The following PCDHA9 variants were observed in gnomAD, a reference collection of about 807,000 sequenced individuals.
The protein encoded by PCDHA9 is protocadherin alpha 9, also known as protocadherin alpha-9.
A neutral mutation model predicts 62.0 loss-of-function variants in PCDHA9; 62 were observed. The observed-to-expected ratio is 1.00, with a 90% CI of 0.81 to 1.23. The LOEUF is 1.23. PCDHA9 is among the 50% of genes most tolerant of loss of function. The pLI, the probability that PCDHA9 is intolerant of heterozygous loss-of-function variation, is 0.00. For synonymous variants in PCDHA9, 557 were observed against 567.6 expected, an observed-to-expected ratio of 0.98 and a Z score of 0.27; for missense variants, 1,205 against 1,249.8, an observed-to-expected ratio of 0.96 and a Z score of 0.54.
At chr5:140,924,891 T>C (rs549129193) in intron 1 of PCDHA9, among the ~76,000 whole-genome samples, 1 of 88,410 alleles carries the variant, frequency 1.1e-5, no homozygotes, top group African/African-American at 5.1e-5. Context: ...CAAGAACCTG[T>C]CTCAAAAAAA....
intron 1 of PCDHA9, chr5:140,927,907 G>A (rs1179807732): frequency 4.9e-5 from 79 of 1,614,038 alleles, no homozygotes; most frequent in Non-Finnish European, 6.6e-5. Flanking sequence ...TCATGCCCCC[G>A]AACTGGACTT....
In PCDHA9 at chr5:140,978,987, C is replaced by T; in HGVS notation, c.2433C>T (p.Ser811=). 4 of 1,614,162 alleles carry T rather than the reference C, an allele frequency of 2.5e-6. No homozygotes were observed. In the South Asian group the frequency reaches 3.3e-5, roughly 13 times the overall value. The change falls in exon 2 of 4, where the codon TCC becomes TCT. Residue 811 remains serine (S), a synonymous_variant. Transcript: ENST00000532602. ...QPNPDWRYSA[S]LRAGMHSSVH... ...ACCCTGACTGGCGTTACTCTGCCTC[C>T]CTGAGAGCAGGCATGCACAGGTATG...
chr5:140,945,041 C>T (rs2093729370), intron 1 of PCDHA9, among the ~76,000 whole-genome samples: 1 of 151,978 alleles, frequency 6.6e-6, no homozygotes, highest in African/African-American at 2.4e-5. Flanking sequence ...TATCTTTGGT[C>T]TTATATAAAG....
chr5:140,858,574 T>C (rs1415497561), intron 1 of PCDHA9: 12 of 1,357,674 alleles, frequency 8.8e-6, no homozygotes, highest in Non-Finnish European at 1.0e-5. Context: ...GTGATACCTT[T>C]GTAATATAAT....
intron 1 of PCDHA9, among the ~76,000 whole-genome samples, chr5:140,911,719 G>C (rs1184939092): frequency 6.6e-6 from 1 of 151,412 alleles, no homozygotes; most frequent in African/African-American, 2.5e-5. Context: ...GTGTAACTCT[G>C]TAAACAGTTC....
intron 3 of PCDHA9, among the ~76,000 whole-genome samples, chr5:140,985,454 A>G (rs1378044295): frequency 1.3e-5 from 2 of 152,188 alleles, no homozygotes; most frequent in Non-Finnish European, 2.9e-5. Context: ...GAAAAGGGAA[A>G]TGCTCCAAAA....
At chr5:140,869,659 G>A (rs782595471) in intron 1 of PCDHA9, 4 of 1,613,446 alleles carry the variant, frequency 2.5e-6, no homozygotes, top group Non-Finnish European at 3.4e-6. Context: ...ACCAACAAAT[G>A]GTAAGCAGAT....
intron 3 of PCDHA9, among the ~76,000 whole-genome samples, chr5:140,997,970 G>A (rs2097791868): frequency 2.0e-5 from 3 of 152,106 alleles, no homozygotes; most frequent in Admixed American, 2.0e-4. Context: ...ACCTGTGGTT[G>A]GACTGCACTT....
At chr5:140,900,130 C>T (rs1156261230) in intron 1 of PCDHA9, among the ~76,000 whole-genome samples, 1 of 152,084 alleles carries the variant, frequency 6.6e-6, no homozygotes, top group East Asian at 1.9e-4. Flanking sequence ...TTTTAGGTAC[C>T]ACAAATAAGT....
At chr5:140,971,958 C>G (rs2096508715) in intron 1 of PCDHA9, among the ~76,000 whole-genome samples, 1 of 152,054 alleles carries the variant, frequency 6.6e-6, no homozygotes, top group Non-Finnish European at 1.5e-5. Context: ...ACTCCAAAAA[C>G]TTTTTTTCAA....
intron 1 of PCDHA9, among the ~76,000 whole-genome samples, chr5:140,921,272 C>T (rs2080137544): frequency 6.6e-6 from 1 of 152,074 alleles, no homozygotes; most frequent in African/African-American, 2.4e-5. Context: ...TTTATACTTA[C>T]TTGAAAAAAA....
At chr5:140,862,674 C>G (rs782474067) in intron 1 of PCDHA9, 12 of 549,972 alleles carry the variant, frequency 2.2e-5, no homozygotes, top group African/African-American at 3.8e-5. Flanking sequence ...CGCAGGAGAA[C>G]GTGCTGGTGT....
chr5:140,900,496 C>G (rs1476220010), intron 1 of PCDHA9, among the ~76,000 whole-genome samples: 2 of 152,212 alleles, frequency 1.3e-5, no homozygotes, highest in Admixed American at 6.5e-5. Flanking sequence ...AGACTGGTCT[C>G]AAATTCCCAG....
intron 1 of PCDHA9, chr5:140,858,372 C>CACATCT: frequency 6.3e-7 from 1 of 1,587,864 alleles, no homozygotes; most frequent in Non-Finnish European, 8.6e-7. Flanking sequence ...CCCAGCCTTC[C>CACATCT]ACCATGCCCA....
intron 1 of PCDHA9, among the ~76,000 whole-genome samples, chr5:140,971,248 A>G (rs552592175): frequency 6.6e-6 from 1 of 152,330 alleles, no homozygotes; most frequent in East Asian, 1.9e-4. Context: ...AATTTGATAC[A>G]TAAACTATTT....
At chr5:140,946,191 CAAAAG>C (rs2093900144) in intron 1 of PCDHA9, among the ~76,000 whole-genome samples, 1 of 151,950 alleles carries the variant, frequency 6.6e-6, no homozygotes, top group Non-Finnish European at 1.5e-5. Flanking sequence ...AGACATTTCT[CAAAAG>C]AAAGCACACA....
At chr5:140,939,149 C>T (rs2092323339) in intron 1 of PCDHA9, among the ~76,000 whole-genome samples, 1 of 152,124 alleles carries the variant, frequency 6.6e-6, no homozygotes, top group South Asian at 2.1e-4. Flanking sequence ...GATCAAGGTC[C>T]TGGCAGATTT....
intron 1 of PCDHA9, chr5:140,927,030 A>T: frequency 6.2e-7 from 1 of 1,612,410 alleles, no homozygotes; most frequent in Non-Finnish European, 8.5e-7. Flanking sequence ...TGAGGCTGCC[A>T]GCGGCCGCTA....
intron 1 of PCDHA9, chr5:140,861,823 G>A (rs2047101556): frequency 1.3e-5 from 2 of 159,302 alleles, no homozygotes; most frequent in Non-Finnish European, 2.7e-5. Flanking sequence ...TTTCAGATAG[G>A]TAAGTCACTT....
Sources: gnomAD v4.1 joint callset for allele counts (sites outside exome capture counted in the v4.1 genomes callset) on GRCh38, gnomAD v4.1.1 for gene constraint, MANE v1.5 for transcripts, NCBI Gene and HGNC (gene_info 2026-07-23, HGNC 2026-07-21) for gene names.